LDB3: variants seen among roughly 807,000 people sequenced by gnomAD.
LDB3 encodes LIM domain-binding protein 3.
In LDB3, 49 loss-of-function variants were observed where a neutral mutation model predicts 69.0. The observed-to-expected ratio is 0.71, with a 90% CI of 0.56 to 0.90. The LOEUF (loss-of-function observed/expected upper bound fraction) is 0.90. Among genes scored for constraint, LDB3 ranks in the 40% least tolerant of loss-of-function variants. The probability of loss-of-function intolerance (pLI) is 0.00; values close to 1 mark genes in which losing one functional copy is unlikely to be tolerated. For synonymous variants in LDB3, 387 were observed against 396.2 expected (o/e 0.98, Z 0.28); for missense variants, 928 against 974.1 (o/e 0.95, Z 0.63).
intron 2 of LDB3, among the ~76,000 whole-genome samples, chr10:86,677,842 C>G (rs924255829): frequency 2.6e-5 from 4 of 152,172 alleles, no homozygotes; most frequent in Admixed American, 6.5e-5. Flanking sequence ...CCAGGTAGCA[C>G]AAAGCACCTG....
At chr10:86,728,176 C>T (rs943489390) in intron 13 of LDB3, among the ~76,000 whole-genome samples, 3 of 152,182 alleles carry the variant, frequency 2.0e-5, no homozygotes, top group African/African-American at 7.2e-5. Context: ...GAGGCACTGC[C>T]TGCACATCTG....
At chr10:86,688,403 C>G (rs1428333814) in intron 5 of LDB3, among the ~76,000 whole-genome samples, 1 of 152,120 alleles carries the variant, frequency 6.6e-6, no homozygotes, top group Non-Finnish European at 1.5e-5. Context: ...CTCCCCAGCC[C>G]CAAGGGTGGA....
At chr10:86,683,706 G>A (rs760790263) in intron 5 of LDB3, among the ~76,000 whole-genome samples, 10 of 152,318 alleles carry the variant, frequency 6.6e-5, no homozygotes, top group South Asian at 2.1e-4. Context: ...AGGCAATGCC[G>A]GCAGGAAGGG....
chr10:86,670,199 G>A (rs1373112637), intron 2 of LDB3, among the ~76,000 whole-genome samples: 1 of 152,110 alleles, frequency 6.6e-6, no homozygotes, highest in East Asian at 1.9e-4. Flanking sequence ...TTGCAGATGT[G>A]GCTTGTTCTA....
chr10:86,698,100 T>C (rs1033413504), intron 7 of LDB3, among the ~76,000 whole-genome samples: 12 of 152,156 alleles, frequency 7.9e-5, no homozygotes, highest in Non-Finnish European at 1.6e-4. Flanking sequence ...ACCCACCTCC[T>C]TAACCTCTGG....
chr10:86,679,567 T>C (rs1479450515), intron 3 of LDB3, 49 bp downstream of exon 3: 8 of 1,602,498 alleles, frequency 5.0e-6, no homozygotes, highest in Non-Finnish European at 6.8e-6. Context: ...GGTGTGGGCA[T>C]GGGGCAGGGG....
At chr10:86,672,233 G>A (rs1844524164) in intron 2 of LDB3, among the ~76,000 whole-genome samples, 1 of 152,270 alleles carries the variant, frequency 6.6e-6, no homozygotes, top group Non-Finnish European at 1.5e-5. Flanking sequence ...GAGACTGGTG[G>A]AGTCGGGGGC....
At chr10:86,697,041 G>C (rs1846028302) in intron 7 of LDB3, among the ~76,000 whole-genome samples, 1 of 152,182 alleles carries the variant, frequency 6.6e-6, no homozygotes, top group Non-Finnish European at 1.5e-5. Context: ...GGGGTAGAGA[G>C]AGACAGAGAC....
chr10:86,672,267 T>A (rs1398008282), intron 2 of LDB3, among the ~76,000 whole-genome samples: 1 of 152,232 alleles, frequency 6.6e-6, no homozygotes, highest in Non-Finnish European at 1.5e-5. Context: ...AGGAGGGGCC[T>A]GCCTGTCTAC....
chr10:86,724,418 C>G (rs1184026055), intron 12 of LDB3, among the ~76,000 whole-genome samples: 1 of 151,618 alleles, frequency 6.6e-6, no homozygotes, highest in Non-Finnish European at 1.5e-5. Context: ...TCCTGGCCAA[C>G]ATGGTGAAGC....
rs3740347 is a variant in LDB3 at position 86,709,830 on chromosome 10, G to T, written c.1086-75G>T. The T allele has an allele frequency of 0.23, 362,316 of 1,551,302 alleles. 48,386 individuals carry two copies. Among genetic ancestry groups the T allele is most frequent in the East Asian group, 0.65 (28,865 of 44,436 alleles). On this transcript the variant is annotated intron_variant, in intron 8 of 13. Transcript: ENST00000361373. ...CTCACAGAGGCTTCTGAAGACCTGG[G>T]AGCCAGCCTGCCTTGACTGCAGGCC...
upstream of LDB3, chr10:86,668,479 G>T: frequency 1.5e-6 from 1 of 646,026 alleles, no homozygotes; most frequent in Admixed American, 2.1e-5. Flanking sequence ...GCCGAAGGCA[G>T]ATATCAGTGT....
At chr10:86,689,974 C>T (rs1271788926) in intron 5 of LDB3, among the ~76,000 whole-genome samples, 1 of 152,222 alleles carries the variant, frequency 6.6e-6, no homozygotes, top group African/African-American at 2.4e-5. Context: ...CAGCAGTTTC[C>T]TTATCTGACT....
rs139709036 is a variant in LDB3, at chr10:86,716,567, T to A, written c.1472T>A (p.Val491Glu). Residue 491 changes from valine to glutamate, a missense_variant, in exon 10 of 14, where the codon GTG (valine) becomes GAG (glutamate). Transcript: ENST00000361373. ...GAGCCTGCCAGCCGTCCACCCTGGG[T>A]GACAGATGATAGCTTCTCCCAGAAG... Reference protein sequence around the residue: ...PAEPASRPPWVTDDSFSQKFA... With the variant: ...PAEPASRPPWETDDSFSQKFA... 2.8e-5 allele frequency: 45 copies of A among 1,613,014 alleles called. No individual in the cohort carries two copies. Among genetic ancestry groups the A allele is most frequent in the Middle Eastern group, 1.7e-4 (1 of 6,060 alleles).
At chr10:86,692,617 T>C (rs754019675) in intron 7 of LDB3, 46 bp downstream of exon 7, 1 of 1,577,260 alleles carries the variant, frequency 6.3e-7, no homozygotes, top group South Asian at 1.1e-5. Flanking sequence ...TCTAGCCCCG[T>C]CCCTCCCCGG....
In LDB3 at chr10:86,681,482, G is replaced by A. The variant is rs754266629; in HGVS notation, c.368G>A (p.Ser123Asn). 3.1e-6 allele frequency: 5 copies of A among 1,608,336 alleles called. No individual in the cohort carries two copies. In the East Asian group the frequency reaches 8.9e-5, roughly 29 times the overall value. ...GGCAGCCTGGTGGCACCCAGCCCCA[G>A]CCCTGAGGCGAGGGCCAGCCCAGGC... ...TNGSLVAPSP[S>N]PEARASPGTP... The change falls in exon 5 of 14, where the codon AGC becomes AAC. Residue 123 changes from serine (S) to asparagine (N), a missense_variant. Ser to Asn is a conservative substitution (Grantham distance 46). Transcript: ENST00000361373.
At chr10:86,698,863 G>T (rs1180578112) in intron 7 of LDB3, among the ~76,000 whole-genome samples, 1 of 152,100 alleles carries the variant, frequency 6.6e-6, no homozygotes, top group African/African-American at 2.4e-5. Flanking sequence ...ATCATGCGAG[G>T]TGCACCTGTC....
intron 7 of LDB3, among the ~76,000 whole-genome samples, chr10:86,696,211 GC>G (rs1260931736): frequency 6.6e-6 from 1 of 150,726 alleles, no homozygotes; most frequent in Non-Finnish European, 1.5e-5. Context: ...TCTCAGTTTT[GC>G]CCCCCCTGCA....
rs751506530 is a variant in LDB3 at position 86,718,028 on chromosome 10, A to C, written c.1741A>C (p.Lys581Gln). 3.7e-6 allele frequency: 6 copies of C among 1,614,206 alleles called. No homozygotes were observed. Among genetic ancestry groups the C allele is most frequent in the Middle Eastern group, 3.3e-4 (2 of 6,062 alleles). The change falls in exon 11 of 14, where the codon AAG becomes CAG. Residue 581 changes from lysine to glutamine, a missense_variant. By Grantham distance (53) the Lys-to-Gln change is moderately conservative (BLOSUM62 1). Coordinates refer to ENST00000361373, the MANE Select transcript of LDB3 (RefSeq NM_007078.3). ...HPEEFTCAYC[K>Q]TSLADVCFVE... ...TGAAGAGTTCACCTGTGCCTACTGC[A>C]AGACTTCCCTGGCAGATGTGTGCTT...
Sources: allele counts gnomAD v4.1 joint callset (sites outside exome capture counted in the v4.1 genomes callset), GRCh38; gene constraint gnomAD v4.1.1; transcripts MANE v1.5; gene names NCBI Gene and HGNC (gene_info 2026-07-23, HGNC 2026-07-21).